ZBTB20: variants seen among roughly 807,000 people sequenced by gnomAD.
The protein encoded by ZBTB20 is zinc finger and BTB domain containing 20, also known as zinc finger and BTB domain-containing protein 20.
ZBTB20 carries 9 observed loss-of-function variants against 56.9 expected under a neutral mutation model. The ratio of observed to expected loss-of-function variants is 0.16; its 90% confidence interval spans 0.10 to 0.28. The LOEUF is 0.28. Ranked by LOEUF, ZBTB20 falls within the 10% of genes least tolerant of loss-of-function variation. ZBTB20 has a pLI of 1.00. For synonymous variants in ZBTB20, 417 were observed against 420.7 expected (o/e 0.99, Z 0.11); for missense variants, 655 against 1,003.0 (o/e 0.65, Z 4.69).
At chr3:114,476,686 G>A (rs2040809918) in intron 7 of ZBTB20, among the ~76,000 whole-genome samples, 1 of 152,172 alleles carries the variant, frequency 6.6e-6, no homozygotes, top group South Asian at 2.1e-4. Context: ...CATTCATGAA[G>A]GCAGAGCCCT....
chr3:114,633,882 C>A (rs1174807861), intron 6 of ZBTB20, among the ~76,000 whole-genome samples: 2 of 152,064 alleles, frequency 1.3e-5, no homozygotes, highest in Non-Finnish European at 2.9e-5. Context: ...AAATAATATA[C>A]CCTTATTTAT....
Position 114,460,249 on chromosome 3 carries a change from C to G in ZBTB20, c.-255+40103G>C, listed in dbSNP as rs770000715. Reference sequence around the variant, plus strand: ...AGGGGTACAATATTCCTAATGTAGTCTGATAAACACACTACAAAGGAACTA... The same window carrying G: ...AGGGGTACAATATTCCTAATGTAGTGTGATAAACACACTACAAAGGAACTA... On this transcript the variant is annotated intron_variant, in intron 7 of 11. Transcript: ENST00000675478. Among the ~76,000 whole-genome samples, 38 of 152,198 alleles carry G rather than the reference C, an allele frequency of 2.5e-4. No homozygotes were observed. In the Middle Eastern group the frequency reaches 0.02, roughly 82 times the overall value.
At chr3:115,055,144 CTT>C (rs1393286063) in intron 2 of ZBTB20, among the ~76,000 whole-genome samples, 2 of 151,458 alleles carry the variant, frequency 1.3e-5, no homozygotes, top group African/African-American at 4.9e-5. Flanking sequence ...AACTTACAAA[CTT>C]TTGCTCCCTC....
chr3:114,956,990 T>C (rs1002016462), intron 3 of ZBTB20, among the ~76,000 whole-genome samples: 1 of 152,134 alleles, frequency 6.6e-6, no homozygotes, highest in Non-Finnish European at 1.5e-5. Context: ...GGGCTAGAGT[T>C]TTCTGTTTCC....
chr3:114,476,963 T>C (rs1474374012), intron 7 of ZBTB20, among the ~76,000 whole-genome samples: 1 of 152,170 alleles, frequency 6.6e-6, no homozygotes, highest in Non-Finnish European at 1.5e-5. Flanking sequence ...GTTTTCTCAT[T>C]TGAAAAATGG....
intron 2 of ZBTB20, among the ~76,000 whole-genome samples, chr3:114,978,405 A>G (rs1230165183): frequency 6.6e-6 from 1 of 151,038 alleles, no homozygotes; most frequent in Non-Finnish European, 1.5e-5. Flanking sequence ...TAGCAATGAA[A>G]GAAATGCAAA....
intron 6 of ZBTB20, among the ~76,000 whole-genome samples, chr3:114,625,279 A>G (rs2058593380): frequency 6.6e-6 from 1 of 152,272 alleles, no homozygotes; most frequent in South Asian, 2.1e-4. Context: ...AGAGTACCAC[A>G]GTCAGAAAAA....
intron 7 of ZBTB20, among the ~76,000 whole-genome samples, chr3:114,477,932 TCTCTCTCTC>T (rs2041028624): frequency 5.0e-5 from 1 of 20,022 alleles, no homozygotes; most frequent in Non-Finnish European, 2.4e-4. Flanking sequence ...TTTCTCTGTC[TCTCTCTCTC>T]TCTCTCTCCC....
At chr3:115,109,105 A>G (rs1248017835) in intron 1 of ZBTB20, among the ~76,000 whole-genome samples, 1 of 152,210 alleles carries the variant, frequency 6.6e-6, no homozygotes, top group East Asian at 1.9e-4. Flanking sequence ...TATTAGACAC[A>G]TATACTATAT....
At chr3:114,487,622 CG>C (rs1361069113) in intron 7 of ZBTB20, among the ~76,000 whole-genome samples, 2 of 152,158 alleles carry the variant, frequency 1.3e-5, no homozygotes, top group Admixed American at 6.5e-5. Context: ...TCCTGACCCT[CG>C]GGAAGACTCG....
At chr3:114,906,317 T>A (rs62265043) in intron 3 of ZBTB20, among the ~76,000 whole-genome samples, 2,278 of 151,878 alleles carry the variant, frequency 0.015, 38 homozygotes, top group Non-Finnish European at 0.018. Flanking sequence ...GCCTTGATGA[T>A]GTAGAAAATC....
chr3:114,638,494 A>G (rs1255872596), intron 6 of ZBTB20, among the ~76,000 whole-genome samples: 1 of 152,074 alleles, frequency 6.6e-6, no homozygotes, highest in Non-Finnish European at 1.5e-5. Flanking sequence ...CACATTTCTA[A>G]CCAAAGTAAT....
At chr3:115,080,769 G>T (rs936211318) in intron 1 of ZBTB20, among the ~76,000 whole-genome samples, 1 of 152,192 alleles carries the variant, frequency 6.6e-6, no homozygotes, top group Admixed American at 6.5e-5. Context: ...TGCCATCAGG[G>T]ATTTTCTTTT....
intron 4 of ZBTB20, among the ~76,000 whole-genome samples, chr3:114,805,042 A>C (rs1037456773): frequency 6.6e-6 from 1 of 151,904 alleles, no homozygotes; most frequent in African/African-American, 2.4e-5. Flanking sequence ...TTTGCTTTTT[A>C]AAATTTTAAC....
At chr3:115,080,037 T>G (rs2082741271) in intron 1 of ZBTB20, among the ~76,000 whole-genome samples, 1 of 152,144 alleles carries the variant, frequency 6.6e-6, no homozygotes, top group Non-Finnish European at 1.5e-5. Context: ...ATGCCCAAAT[T>G]TATATGTTGA....
intron 6 of ZBTB20, among the ~76,000 whole-genome samples, chr3:114,583,152 G>T (rs962726500): frequency 6.6e-6 from 1 of 152,176 alleles, no homozygotes; most frequent in African/African-American, 2.4e-5. Context: ...TGCATTTCAA[G>T]TCAACCATAT....
intron 3 of ZBTB20, among the ~76,000 whole-genome samples, chr3:114,953,652 T>C (rs1684234851): frequency 2.0e-5 from 3 of 152,012 alleles, no homozygotes; most frequent in African/African-American, 7.2e-5. Flanking sequence ...AATTAGCCAG[T>C]AATATATAAT....
Position 114,949,498 on chromosome 3 carries a change from C to A in ZBTB20, c.-456+24868G>T, listed in dbSNP as rs190098401. On this transcript the variant is annotated intron_variant, in intron 3 of 11. Coordinates refer to ENST00000675478, the MANE Select transcript of ZBTB20 (RefSeq NM_001348800.3). ...AAGACAACTATAAGGTCAGGCGCGGCGGCTCATGCCTGTAATCCCAGCACT... is the reference window on the plus strand; with the variant it reads ...AAGACAACTATAAGGTCAGGCGCGGAGGCTCATGCCTGTAATCCCAGCACT... Among the ~76,000 whole-genome samples, 9 of 146,310 alleles carry A rather than the reference C, an allele frequency of 6.2e-5. No individual in the cohort carries two copies. In the East Asian group the frequency reaches 1.5e-3, roughly 25 times the overall value.
chr3:114,755,884 AT>A (rs2067975016), intron 5 of ZBTB20, among the ~76,000 whole-genome samples: 1 of 152,054 alleles, frequency 6.6e-6, no homozygotes, highest in African/African-American at 2.4e-5. Context: ...AATGAAAATT[AT>A]TTTCTTATGC....
Sources: allele counts gnomAD v4.1 joint callset (sites outside exome capture counted in the v4.1 genomes callset), GRCh38; gene constraint gnomAD v4.1.1; transcripts MANE v1.5; gene names NCBI Gene and HGNC (gene_info 2026-07-23, HGNC 2026-07-21).